Variants in SEM1 observed in about 807,000 individuals in gnomAD.
SEM1 encodes the protein 26S proteasome complex subunit SEM1.
In SEM1, 3 loss-of-function variants were observed where a neutral mutation model predicts 12.7. The ratio of observed to expected loss-of-function variants is 0.24; its 90% confidence interval spans 0.11 to 0.61. The LOEUF (loss-of-function observed/expected upper bound fraction) is 0.61. SEM1 is among the 20% of genes least tolerant of loss of function. SEM1 has a pLI of 0.88. For missense variants in SEM1, 59 were observed against 81.3 expected, an observed-to-expected ratio of 0.73 and a Z score of 1.06; for synonymous variants, 30 against 27.8, an observed-to-expected ratio of 1.08 and a Z score of -0.25.
intron 2 of SEM1, among the ~76,000 whole-genome samples, chr7:96,675,556 C>A (rs1441784923): frequency 6.6e-6 from 1 of 152,148 alleles, no homozygotes; most frequent in African/African-American, 2.4e-5. Context: ...GTTCTCTCCA[C>A]ACATACACAG....
downstream of SEM1, among the ~76,000 whole-genome samples, chr7:96,670,319 T>C (rs1789283017): frequency 6.6e-6 from 1 of 152,190 alleles, no homozygotes; most frequent in Middle Eastern, 3.2e-3. Flanking sequence ...GCCTTAATCT[T>C]AAGGCTTACT....
rs976749919 is a variant in SEM1, at chr7:96,517,692, G to A, written c.171-10994C>T. Among the ~76,000 whole-genome samples, 28 of 152,188 alleles carry A rather than the reference G, an allele frequency of 1.8e-4. 1 individual carries two copies. The highest frequency in any genetic ancestry group is 1.8e-3 in the Admixed American group (28 of 15,282). On this transcript the variant is annotated intron_variant and NMD_transcript_variant, in intron 2 of 3. Coordinates refer to the SEM1 transcript ENST00000466986. ...CATAAATATTTGTATGCTTGGGATA[G>A]TAACAAATAGTCATGGTGAATATTT...
chr7:96,680,071 G>A (rs1789561116), intron 2 of SEM1, among the ~76,000 whole-genome samples: 2 of 152,038 alleles, frequency 1.3e-5, no homozygotes, highest in Non-Finnish European at 2.9e-5. Flanking sequence ...CTCAACCAAT[G>A]ACTGACGAGT....
chr7:96,582,593 G>C (rs775683104), intron 2 of SEM1, among the ~76,000 whole-genome samples: 1 of 133,398 alleles, frequency 7.5e-6, no homozygotes, highest in African/African-American at 2.7e-5. Flanking sequence ...CTGTGAATCT[G>C]TCTGGTCCTA....
intron 2 of SEM1, among the ~76,000 whole-genome samples, chr7:96,551,160 T>G (rs1211346542): frequency 6.6e-6 from 1 of 152,042 alleles, no homozygotes; most frequent in Non-Finnish European, 1.5e-5. Context: ...GGAAGAGGGT[T>G]AGATAGGAAA....
intron 1 of SEM1, among the ~76,000 whole-genome samples, chr7:96,697,804 C>A (rs1259170921): frequency 1.3e-5 from 2 of 152,134 alleles, no homozygotes; most frequent in Non-Finnish European, 2.9e-5. Context: ...GAAGCCACAC[C>A]ATATCCAGTG....
chr7:96,629,980 A>G (rs1808195079), intron 2 of SEM1, among the ~76,000 whole-genome samples: 1 of 152,182 alleles, frequency 6.6e-6, no homozygotes, highest in African/African-American at 2.4e-5. Flanking sequence ...TTTCTCCCAA[A>G]CAGAGCCTCT....
intron 2 of SEM1, among the ~76,000 whole-genome samples, chr7:96,679,644 T>C (rs2115682491): frequency 6.6e-6 from 1 of 152,254 alleles, no homozygotes; most frequent in Non-Finnish European, 1.5e-5. Flanking sequence ...TTGACCTCTT[T>C]TGCCAGGACA....
At chr7:96,690,989 TCTCGATCTCCTGAC>T (rs1292572701) in intron 2 of SEM1, among the ~76,000 whole-genome samples, 1 of 152,144 alleles carries the variant, frequency 6.6e-6, no homozygotes, top group African/African-American at 2.4e-5. Context: ...GCCAGGATGG[TCTCGATCTCCTGAC>T]CTCGTGATCC....
intron 2 of SEM1, among the ~76,000 whole-genome samples, chr7:96,680,554 T>G (rs1431671914): frequency 6.6e-6 from 1 of 152,110 alleles, no homozygotes; most frequent in African/African-American, 2.4e-5. Flanking sequence ...TGGTTCTTCC[T>G]GTAACTCTAA....
chr7:96,625,343 G>A (rs1010808789), intron 2 of SEM1, among the ~76,000 whole-genome samples: 11 of 152,028 alleles, frequency 7.2e-5, no homozygotes, highest in African/African-American at 2.7e-4. Context: ...ACCTGTTATA[G>A]TCACCAAACA....
At chr7:96,582,956 T>G (rs150952730) in intron 2 of SEM1, among the ~76,000 whole-genome samples, 52,873 of 151,586 alleles carry the variant, frequency 0.35, 9,238 homozygotes, top group Admixed American at 0.45. Context: ...GAAGGGTTTT[T>G]TGTGTCTCTA....
At chr7:96,619,607 G>C (rs1356933543), downstream of SEM1, among the ~76,000 whole-genome samples, 2 of 152,106 alleles carry the variant, frequency 1.3e-5, no homozygotes, top group Non-Finnish European at 2.9e-5. Flanking sequence ...AGTGGGAGCA[G>C]TGGGCCAGTT....
chr7:96,699,428 C>T (rs1043036737), intron 1 of SEM1, among the ~76,000 whole-genome samples: 5 of 152,156 alleles, frequency 3.3e-5, no homozygotes, highest in Non-Finnish European at 5.9e-5. Context: ...ATATCACTGT[C>T]ATAAGCAAAA....
At chr7:96,655,234 G>A (rs979955026) in intron 2 of SEM1, among the ~76,000 whole-genome samples, 7 of 152,148 alleles carry the variant, frequency 4.6e-5, no homozygotes, top group African/African-American at 1.7e-4. Context: ...TCTGGGCCAG[G>A]TAGTGAAGGA....
At chr7:96,629,422 C>G (rs563790758) in intron 2 of SEM1, among the ~76,000 whole-genome samples, 1 of 151,890 alleles carries the variant, frequency 6.6e-6, no homozygotes, top group African/African-American at 2.4e-5. Context: ...ATCAATTCTC[C>G]TATTAAAAGA....
intron 2 of SEM1, chr7:96,647,515 A>T (rs1241793714): frequency 6.6e-6 from 1 of 152,196 alleles, no homozygotes; most frequent in Non-Finnish European, 1.5e-5. Context: ...CAGTGAGAAC[A>T]TGGCCGTTTT....
chr7:96,583,569 G>A (rs1287496134), intron 2 of SEM1, among the ~76,000 whole-genome samples: 37 of 149,704 alleles, frequency 2.5e-4, no homozygotes, highest in African/African-American at 9.1e-4. Flanking sequence ...GTTGACAGTG[G>A]TGTGTTAAAG....
At chr7:96,677,971 G>A (rs1041671535) in intron 2 of SEM1, among the ~76,000 whole-genome samples, 1 of 152,124 alleles carries the variant, frequency 6.6e-6, no homozygotes, top group African/African-American at 2.4e-5. Context: ...GCACACATAC[G>A]TTTTTCATAT....
Sources: allele counts gnomAD v4.1 joint callset (sites outside exome capture counted in the v4.1 genomes callset), GRCh38; gene constraint gnomAD v4.1.1; transcripts MANE v1.5; gene names NCBI Gene and HGNC (gene_info 2026-07-23, HGNC 2026-07-21).